The following PRKN variants were observed in gnomAD, a reference collection of about 807,000 sequenced individuals.
PRKN encodes parkin RBR E3 ubiquitin protein ligase.
In PRKN, 56 loss-of-function variants were observed where a neutral mutation model predicts 59.5. That is an observed-to-expected ratio of 0.94 (90% CI 0.76 to 1.18). The LOEUF is 1.18. Ranked by LOEUF, PRKN falls within the 50% of genes most tolerant of loss-of-function variation. The pLI is 0.00. For missense variants in PRKN, 657 were observed against 596.4 expected, an observed-to-expected ratio of 1.10 and a Z score of -1.06; for synonymous variants, 250 against 222.1, an observed-to-expected ratio of 1.13 and a Z score of -1.12.
chr6:162,187,187 T>G (rs979691484), intron 4 of PRKN, among the ~76,000 whole-genome samples: 6 of 152,030 alleles, frequency 3.9e-5, no homozygotes, highest in Middle Eastern at 3.4e-3. Flanking sequence ...ACAGAGAAAA[T>G]CGGGGTGGAT....
At chr6:161,513,616 C>T (rs1465296780) in intron 9 of PRKN, among the ~76,000 whole-genome samples, 1 of 149,880 alleles carries the variant, frequency 6.7e-6, no homozygotes, top group Non-Finnish European at 1.5e-5. Context: ...AGGAGGTAAA[C>T]AAACTGAGCC....
At chr6:161,968,319 G>A (rs188747398) in intron 6 of PRKN, among the ~76,000 whole-genome samples, 2 of 151,646 alleles carry the variant, frequency 1.3e-5, no homozygotes, top group Non-Finnish European at 2.9e-5. Flanking sequence ...GATTACAGGC[G>A]TGACTCACCA....
intron 6 of PRKN, among the ~76,000 whole-genome samples, chr6:161,877,626 A>AT (rs370593490): frequency 6.0e-5 from 9 of 148,948 alleles, no homozygotes; most frequent in South Asian, 2.2e-4. Flanking sequence ...AGCCTGGCTA[A>AT]TTTTTTTTTT....
Position 161,468,824 on chromosome 6 carries a change from A to G in PRKN, c.1083+80030T>C, listed in dbSNP as rs942187466. Among the ~76,000 whole-genome samples the G allele has an allele frequency of 6.6e-6, 1 of 152,146 alleles. No homozygotes were observed. Among genetic ancestry groups the G allele is most frequent in the African/African-American group, 2.4e-5 (1 of 41,412 alleles). On this transcript the variant is annotated intron_variant, in intron 9 of 11. Coordinates refer to ENST00000366898, the MANE Select transcript of PRKN (RefSeq NM_004562.3). This position sits in a 1 kb window ranked among gnomAD's most constrained non-coding sequence, Gnocchi z 5.9. ...AAGTTGTCCTTGTGGCCACAGTTGA[A>G]GGCCCTCATGCTCACTGTCAGCCTA...
At position 161,451,567 on chromosome 6, in the gene PRKN, C is replaced by G. The variant is rs73785924; in HGVS notation, c.1084-64690G>C. Among the ~76,000 whole-genome samples, 1 of 152,150 alleles carries G rather than the reference C, an allele frequency of 6.6e-6. No individual in the cohort carries two copies. The highest frequency in any genetic ancestry group is 1.5e-5 in the Non-Finnish European group (1 of 68,040). The stretch of plus-strand genomic sequence containing the variant: ...GCTCCCAGAGGGACCTACCCAGTCC[C>G]AAAGCTGAGGCACCACCCATCCTTG... On this transcript the variant is annotated intron_variant, in intron 9 of 11. Coordinates refer to ENST00000366898, the MANE Select transcript of PRKN (RefSeq NM_004562.3). This position sits in a 1 kb window ranked among gnomAD's most constrained non-coding sequence, Gnocchi z 5.9.
In PRKN at chr6:161,405,005, G is replaced by A. The variant is rs766895132; in HGVS notation, c.1084-18128C>T. The stretch of plus-strand genomic sequence containing the variant: ...CTCTTACTGGGATGGTCTGATATAC[G>A]TTTAATGTTTTATATTTTCATTGAA... On this transcript the variant is annotated intron_variant, in intron 9 of 11. Transcript: ENST00000366898. This position sits in a 1 kb window ranked among gnomAD's most constrained non-coding sequence, Gnocchi z 5.1. 3.3e-5 allele frequency among the ~76,000 whole-genome samples: 5 copies of A among 152,270 alleles called. No individual in the cohort carries two copies. Among genetic ancestry groups the A allele is most frequent in the South Asian group, 4.1e-4 (2 of 4,824 alleles).
At chr6:162,354,939 C>T (rs932539633) in intron 2 of PRKN, among the ~76,000 whole-genome samples, 1 of 151,684 alleles carries the variant, frequency 6.6e-6, no homozygotes, top group Non-Finnish European at 1.5e-5. Flanking sequence ...AATGCAAACA[C>T]AATTTACTTT....
intron 1 of PRKN, among the ~76,000 whole-genome samples, chr6:162,702,199 T>C (rs1778182750): frequency 6.6e-6 from 1 of 152,174 alleles, no homozygotes; most frequent in Non-Finnish European, 1.5e-5. Context: ...ACTTCAAGTA[T>C]TGCAAACTTG....
chr6:162,502,096 C>A (rs550907563), intron 1 of PRKN, among the ~76,000 whole-genome samples: 1 of 152,078 alleles, frequency 6.6e-6, no homozygotes, highest in African/African-American at 2.4e-5. Context: ...AATATATGTA[C>A]ACTTCCTCAA....
intron 4 of PRKN, among the ~76,000 whole-genome samples, chr6:162,175,932 C>G (rs928583567): frequency 2.0e-5 from 3 of 152,208 alleles, no homozygotes; most frequent in African/African-American, 7.2e-5. Flanking sequence ...TGTGAGTGCT[C>G]TCCACCATGT....
chr6:161,543,066 T>C (rs1779674550), intron 9 of PRKN, among the ~76,000 whole-genome samples: 1 of 152,200 alleles, frequency 6.6e-6, no homozygotes, highest in Admixed American at 6.5e-5. Flanking sequence ...AAGGTCCACC[T>C]ATTGAAAAAA....
intron 2 of PRKN, among the ~76,000 whole-genome samples, chr6:162,380,379 C>G (rs1163560199): frequency 6.8e-6 from 1 of 146,284 alleles, no homozygotes; most frequent in Non-Finnish European, 1.5e-5. Flanking sequence ...AAATGTGTAC[C>G]TGGATAATAG....
At chr6:162,243,009 TAA>T (rs77383917) in intron 3 of PRKN, among the ~76,000 whole-genome samples, 1 of 144,888 alleles carries the variant, frequency 6.9e-6, no homozygotes, top group Admixed American at 6.9e-5. Flanking sequence ...GTTGGTTCCT[TAA>T]AAAAAAAAAA....
intron 4 of PRKN, among the ~76,000 whole-genome samples, chr6:162,176,652 G>A (rs759695596): frequency 1.3e-5 from 2 of 152,128 alleles, no homozygotes; most frequent in Non-Finnish European, 2.9e-5. Flanking sequence ...CGGAGACCTT[G>A]ATAATCGACA....
At chr6:162,576,059 C>T (rs978852844) in intron 1 of PRKN, among the ~76,000 whole-genome samples, 5 of 152,156 alleles carry the variant, frequency 3.3e-5, no homozygotes, top group Admixed American at 6.6e-5. Context: ...TAGGAGACCA[C>T]GCATGGCTTG....
intron 2 of PRKN, among the ~76,000 whole-genome samples, chr6:162,395,522 T>C (rs1787431996): frequency 6.6e-6 from 1 of 152,174 alleles, no homozygotes; most frequent in South Asian, 2.1e-4. Flanking sequence ...TGCCATTGCA[T>C]GAGATACCCA....
chr6:161,510,211 A>G (rs914172768), intron 9 of PRKN, among the ~76,000 whole-genome samples: 1 of 152,260 alleles, frequency 6.6e-6, no homozygotes, highest in Non-Finnish European at 1.5e-5. Context: ...GAAATTCCAG[A>G]TGCAGTGGCT....
chr6:161,370,606 A>G (rs899057593), intron 10 of PRKN, among the ~76,000 whole-genome samples: 1 of 150,652 alleles, frequency 6.6e-6, no homozygotes, highest in Non-Finnish European at 1.5e-5. Context: ...AAAAAAAAAA[A>G]AAAAAGCCGA....
intron 5 of PRKN, among the ~76,000 whole-genome samples, chr6:162,024,282 CT>C (rs1294206741): frequency 6.2e-5 from 9 of 144,334 alleles, no homozygotes. Context: ...ACTGCAACCT[CT>C]GCCTCCCAGG....
Sources: allele counts gnomAD v4.1 joint callset (sites outside exome capture counted in the v4.1 genomes callset), GRCh38; gene constraint gnomAD v4.1.1; non-coding constraint Gnocchi (gnomAD v3.1); transcripts MANE v1.5; gene names NCBI Gene and HGNC (gene_info 2026-07-23, HGNC 2026-07-21).